Variants in PIP5K1A observed in about 807,000 individuals in gnomAD.
PIP5K1A encodes the protein phosphatidylinositol 4-phosphate 5-kinase type-1 alpha.
A neutral mutation model predicts 72.9 loss-of-function variants in PIP5K1A; 46 were observed. That is an observed-to-expected ratio of 0.63 (90% CI 0.50 to 0.81). The LOEUF (loss-of-function observed/expected upper bound fraction) is 0.81. Ranked by LOEUF, PIP5K1A falls within the 30% of genes least tolerant of loss-of-function variation. The probability of loss-of-function intolerance (pLI) is 0.00; values close to 1 mark genes in which losing one functional copy is unlikely to be tolerated. For missense variants in PIP5K1A, 458 were observed against 706.1 expected (o/e 0.65, Z 3.98); for synonymous variants, 228 against 255.1 (o/e 0.89, Z 1.01).
At chr1:151,203,233 G>A (rs1261776131) in intron 1 of PIP5K1A, among the ~76,000 whole-genome samples, 3 of 152,022 alleles carry the variant, frequency 2.0e-5, no homozygotes, top group Admixed American at 2.0e-4. Context: ...ACTTCCTCAA[G>A]GAAAAGCACT....
In PIP5K1A at chr1:151,231,702, A is replaced by G. The variant is rs1174425342; in HGVS notation, c.269A>G (p.Gln90Arg). 6.2e-7 allele frequency: 1 copy of G among 1,613,854 alleles called. No homozygotes were observed. Among genetic ancestry groups the G allele is most frequent in the Admixed American group, 1.7e-5 (1 of 60,016 alleles). ...TCATCAGCCTTGAAAGGTGCCATCCAGTTAGGCATTACCCACACTGTGGGG... is the reference window on the plus strand; with the variant it reads ...TCATCAGCCTTGAAAGGTGCCATCCGGTTAGGCATTACCCACACTGTGGGG... ...TTSSALKGAI[Q>R]LGITHTVGSL... The change falls in exon 5 of 16, where the codon CAG (glutamine) becomes CGG (arginine). Residue 90 changes from glutamine (Q) to arginine (R), a missense_variant. Gln to Arg is a conservative substitution (Grantham distance 43, BLOSUM62 1). Coordinates refer to ENST00000368888, the MANE Select transcript of PIP5K1A (RefSeq NM_001135638.2).
chr1:151,208,266 C>T, intron 1 of PIP5K1A, among the ~76,000 whole-genome samples: 1 of 152,074 alleles, frequency 6.6e-6, no homozygotes, highest in East Asian at 1.9e-4. Flanking sequence ...CATCCTTGCA[C>T]TTCTGACTGT....
upstream of PIP5K1A, among the ~76,000 whole-genome samples, chr1:151,195,883 G>T (rs1459629817): frequency 7.9e-5 from 4 of 50,332 alleles, no homozygotes; most frequent in Non-Finnish European, 1.7e-4. Context: ...AACACCAGCC[G>T]ATTTTTTTTT....
intron 1 of PIP5K1A, among the ~76,000 whole-genome samples, chr1:151,221,158 G>A (rs1688345488): frequency 6.6e-6 from 1 of 152,054 alleles, no homozygotes; most frequent in East Asian, 1.9e-4. Flanking sequence ...AGGGCCAAAT[G>A]AGATATATTT....
intron 4 of PIP5K1A, among the ~76,000 whole-genome samples, chr1:151,229,221 C>G (rs1430593707): frequency 6.8e-6 from 1 of 146,478 alleles, no homozygotes; most frequent in Admixed American, 6.9e-5. Context: ...GGATCTTGCT[C>G]TGTTGCCCAG....
chr1:151,212,589 T>G (rs1686976105), intron 1 of PIP5K1A, among the ~76,000 whole-genome samples: 1 of 152,132 alleles, frequency 6.6e-6, no homozygotes, highest in African/African-American at 2.4e-5. Flanking sequence ...TGCCTTTTTT[T>G]TTTTGAGACG....
At position 151,213,066 on chromosome 1, in the gene PIP5K1A, T is replaced by G. The variant is rs187255562; in HGVS notation, c.86-11179T>G. Among the ~76,000 whole-genome samples the G allele has an allele frequency of 3.3e-3, 505 of 151,382 alleles. 9 individuals are homozygous for G. The highest frequency in any genetic ancestry group is 0.031 in the East Asian group (158 of 5,142). Reference sequence around the variant, plus strand: ...CCACCACGCCCGGCTATTTTATTTTTTATTTTTAGTAGAGACGGGGTTTCA... The same window carrying G: ...CCACCACGCCCGGCTATTTTATTTTGTATTTTTAGTAGAGACGGGGTTTCA... On this transcript the variant is annotated intron_variant, in intron 1 of 15. Transcript: ENST00000368888.
rs764008438 is a variant in PIP5K1A at position 151,242,222 on chromosome 1, C to T, written c.1463C>T (p.Ser488Phe). The T allele has an allele frequency of 4.8e-5, 78 of 1,614,074 alleles. No individual in the cohort carries two copies. The highest frequency in any genetic ancestry group is 6.4e-5 in the Non-Finnish European group (76 of 1,180,036). ...NSCITYQPSV[S>F]GEHKAQVTTK... ...TGCATTACTTACCAGCCATCGGTCT[C>T]TGGGGAACACAAGGCACAAGTGACA... Residue 488 changes from serine (S) to phenylalanine (F), a missense_variant, in exon 13 of 16, where the codon TCT becomes TTT. By Grantham distance (155) the Ser-to-Phe change is radical. Transcript: ENST00000368888.
chr1:151,213,056 ATTTTATT>A (rs1325616851), intron 1 of PIP5K1A, among the ~76,000 whole-genome samples: 1 of 151,266 alleles, frequency 6.6e-6, no homozygotes, highest in Non-Finnish European at 1.5e-5. Context: ...ACGCCCGGCT[ATTTTATT>A]TTTTATTTTT....
rs1013380633 is a variant in PIP5K1A, at chr1:151,247,499, C to T, written c.1687-364C>T. Among the ~76,000 whole-genome samples the T allele has an allele frequency of 6.6e-5, 10 of 152,208 alleles. No homozygotes were observed. The East Asian group carries it at 1.7e-3, about 26-fold the overall frequency. On this transcript the variant is annotated intron_variant, in intron 15 of 15. Transcript: ENST00000368888. The stretch of plus-strand genomic sequence containing the variant: ...GGAGTGCAGTGGCGCGATCTCGGCT[C>T]ACTGCAAGCTACGCCTCCCAGGTTC...
At chr1:151,218,586 C>G (rs1687957441) in intron 1 of PIP5K1A, among the ~76,000 whole-genome samples, 1 of 152,108 alleles carries the variant, frequency 6.6e-6, no homozygotes, top group South Asian at 2.1e-4. Context: ...CCTGTAATCC[C>G]AGCACTTTGG....
chr1:151,212,595 A>G (rs1158082796), intron 1 of PIP5K1A, among the ~76,000 whole-genome samples: 4 of 147,678 alleles, frequency 2.7e-5, no homozygotes, highest in Admixed American at 6.8e-5. Flanking sequence ...TTTTTTTTTG[A>G]GACGGAGTCT....
At chr1:151,217,504 C>T (rs587762380) in intron 1 of PIP5K1A, among the ~76,000 whole-genome samples, 2 of 152,312 alleles carry the variant, frequency 1.3e-5, no homozygotes, top group East Asian at 1.9e-4. Context: ...CCTAAATCAA[C>T]AAAATTCTGA....
At chr1:151,246,827 AT>A in intron 14 of PIP5K1A, 92 bp from the exon 15 acceptor site, 1 of 878,526 alleles carries the variant, frequency 1.1e-6, no homozygotes, top group Non-Finnish European at 1.8e-6. Flanking sequence ...CAAAGTGAAA[AT>A]TAGAGAAGCA....
At chr1:151,222,881 T>C (rs1490354462) in intron 1 of PIP5K1A, among the ~76,000 whole-genome samples, 1 of 152,116 alleles carries the variant, frequency 6.6e-6, no homozygotes, top group Non-Finnish European at 1.5e-5. Context: ...TCTAGGTAAA[T>C]TGAAAATTAA....
chr1:151,232,236 T>G lies in PIP5K1A; in HGVS notation c.369-12T>G. 6.3e-7 allele frequency: 1 copy of G among 1,583,390 alleles called. No individual in the cohort carries two copies. The highest frequency in any genetic ancestry group is 8.7e-7 in the Non-Finnish European group (1 of 1,152,072). On this transcript the variant is annotated splice_polypyrimidine_tract_variant and intron_variant, in intron 5 of 15. Coordinates refer to ENST00000368888, the MANE Select transcript of PIP5K1A (RefSeq NM_001135638.2). Reference sequence around the variant, plus strand: ...ACTGGCAAGTTATGGCTACCTCTGTTTAACCCCACAGTGAAGGGAGCAACC... The same window carrying G: ...ACTGGCAAGTTATGGCTACCTCTGTGTAACCCCACAGTGAAGGGAGCAACC...
Position 151,242,479 on chromosome 1 carries a change from C to G in PIP5K1A, c.1552C>G (p.Pro518Ala). Residue 518 changes from proline to alanine, a missense_variant, in exon 14 of 16, where the codon CCT (proline) becomes GCT (alanine). Around this residue, in one of 3 missense-constraint regions of PIP5K1A, gnomAD observed 157 missense variants for 175.5 expected, o/e 0.89. Transcript: ENST00000368888. ...GRPDVLPQTP[P>A]LEEISEGSPI... ...TCCTGATGTTTTACCTCAGACTCCA[C>G]CTTTGGAGGAAATCAGTGAGGGCTC... The G allele has an allele frequency of 6.2e-7, 1 of 1,613,942 alleles. No individual in the cohort carries two copies. Among genetic ancestry groups the G allele is most frequent in the Non-Finnish European group, 8.5e-7 (1 of 1,179,824 alleles).
intron 1 of PIP5K1A, among the ~76,000 whole-genome samples, chr1:151,208,149 C>T (rs773151932): frequency 7.3e-4 from 111 of 151,396 alleles, no homozygotes; most frequent in Non-Finnish European, 1.0e-3. Context: ...TGTGAGCCAC[C>T]GGGCCCAGCT....
At chr1:151,221,012 G>C (rs1156915800) in intron 1 of PIP5K1A, among the ~76,000 whole-genome samples, 3 of 152,048 alleles carry the variant, frequency 2.0e-5, no homozygotes, top group Admixed American at 6.6e-5. Flanking sequence ...GCTTCTCAAG[G>C]CTCTTTTCTC....
Sources: allele counts gnomAD v4.1 joint callset (sites outside exome capture counted in the v4.1 genomes callset), GRCh38; gene constraint gnomAD v4.1.1; regional missense constraint gnomAD v4.1.1; transcripts MANE v1.5; gene names NCBI Gene and HGNC (gene_info 2026-07-23, HGNC 2026-07-21).